Variants in FBXL8 observed in about 807,000 individuals in gnomAD.
FBXL8 encodes the protein F-box/LRR-repeat protein 8.
In FBXL8, 13 loss-of-function variants were observed where a neutral mutation model predicts 8.2. The ratio of observed to expected loss-of-function variants is 1.58; its 90% CI spans 1.03 to 2.51. The LOEUF is 2.51. FBXL8 is among the 30% of genes most tolerant of loss of function. The pLI, the probability that FBXL8 is intolerant of heterozygous loss-of-function variation, is 0.00. For missense variants in FBXL8, 565 were observed against 540.4 expected, an observed-to-expected ratio of 1.05 and a Z score of -0.45; for synonymous variants, 271 against 260.5, an observed-to-expected ratio of 1.04 and a Z score of -0.39.
chr16:67,162,284 G>T, intron 2 of FBXL8: 1 of 416,862 alleles, frequency 2.4e-6, no homozygotes, highest in Non-Finnish European at 4.4e-6. Flanking sequence ...AGCCGAGATG[G>T]CACCACTGCA....
intron 2 of FBXL8, chr16:67,162,518 C>G: frequency 4.3e-6 from 3 of 693,198 alleles, no homozygotes; most frequent in Non-Finnish European, 7.9e-6. Flanking sequence ...ACGGGTCACT[C>G]AGCTAGGGAA....
intron 2 of FBXL8, chr16:67,162,450 TATC>T (rs1365176091): frequency 6.5e-6 from 4 of 617,824 alleles, no homozygotes; most frequent in African/African-American, 5.5e-5. Flanking sequence ...AGATAGGTAT[TATC>T]ATTACCTCCA....
intron 1 of FBXL8, chr16:67,161,073 C>T (rs546045386): frequency 6.5e-6 from 1 of 154,134 alleles, no homozygotes; most frequent in African/African-American, 2.4e-5. Flanking sequence ...TGGTCCCTGA[C>T]AAAGAAAAGC....
chr16:67,160,615 G>A (rs1305662964), intron 1 of FBXL8, among the ~76,000 whole-genome samples: 1 of 152,210 alleles, frequency 6.6e-6, no homozygotes, highest in Non-Finnish European at 1.5e-5. Flanking sequence ...GGAGGCTGAG[G>A]CAGAAGAATC....
chr16:67,163,329 G>A lies in FBXL8; in HGVS notation c.634G>A (p.Ala212Thr), dbSNP rs761223765. The A allele has an allele frequency of 2.5e-5, 40 of 1,570,476 alleles. 1 individual carries two copies. In the South Asian group the frequency reaches 4.2e-4, roughly 17 times the overall value. ...SLSHAILEAL[A>T]APDRAPFALL... ...GTCGCACGCCATCCTCGAAGCACTGGCGGCGCCAGACCGAGCGCCTTTCGC... is the reference window on the plus strand; with the variant it reads ...GTCGCACGCCATCCTCGAAGCACTGACGGCGCCAGACCGAGCGCCTTTCGC... The change falls in exon 3 of 3, where the codon GCG becomes ACG. Residue 212 changes from alanine to threonine, a missense_variant. Transcript: ENST00000258200.
Position 67,163,051 on chromosome 16 carries a change from C to A in FBXL8, c.356C>A (p.Ala119Glu). The A allele has an allele frequency of 6.4e-7, 1 of 1,569,752 alleles. No homozygotes were observed. The highest frequency in any genetic ancestry group is 1.7e-4 in the Middle Eastern group (1 of 5,974). ...ECRGEKPLFD[A>E]GRDVLEAVHA... Reference sequence around the variant, plus strand: ...CGCGGAGAAAAACCGCTCTTCGACGCGGGCCGCGACGTCCTGGAGGCTGTG... The same window carrying A: ...CGCGGAGAAAAACCGCTCTTCGACGAGGGCCGCGACGTCCTGGAGGCTGTG... The change falls in exon 3 of 3, where the codon GCG becomes GAG. Residue 119 changes from alanine (A) to glutamate (E), a missense_variant. Ala to Glu is a moderately radical substitution (Grantham distance 107). Transcript: ENST00000258200.
chr16:67,163,308 C>T lies in FBXL8; in HGVS notation c.613C>T (p.His205Tyr). The T allele has an allele frequency of 6.3e-7, 1 of 1,576,012 alleles. No homozygotes were observed. Among genetic ancestry groups the T allele is most frequent in the Non-Finnish European group, 8.6e-7 (1 of 1,163,634 alleles). Residue 205 changes from histidine to tyrosine, a missense_variant, in exon 3 of 3, where the codon CAC (histidine) becomes TAC (tyrosine). His to Tyr is a moderately conservative substitution (Grantham distance 83). Transcript: ENST00000258200. ...CGGCCTGCACCTAGCCAGTTTGTCG[C>T]ACGCCATCCTCGAAGCACTGGCGGC... Reference protein sequence around the residue: ...ALGLHLASLSHAILEALAAPD... With the variant: ...ALGLHLASLSYAILEALAAPD...
At position 67,162,891 on chromosome 16, in the gene FBXL8, G is replaced by A. The variant is rs778103337; in HGVS notation, c.196G>A (p.Ala66Thr). 4.5e-6 allele frequency: 7 copies of A among 1,550,946 alleles called. No individual in the cohort carries two copies. The highest frequency in any genetic ancestry group is 2.0e-5 in the Admixed American group (1 of 51,032). Residue 66 changes from alanine (A) to threonine (T), a missense_variant, in exon 3 of 3, where the codon GCC becomes ACC. Coordinates refer to ENST00000258200, the MANE Select transcript of FBXL8 (RefSeq NM_018378.3). ...LEGMLPPYLS[A>T]CLDHIHNLRL... ...AGGCATGCTGCCACCTTATCTGTCC[G>A]CCTGCCTCGACCACATTCACAACCT... is the stretch of plus-strand genomic sequence containing the variant.
rs1190136361 is a variant in FBXL8 at position 67,163,880 on chromosome 16, G to GA, written c.*60_*61insA. ...AAGCGCTCTGAGAGGGAACGGGGGGGGTGTCCAGGCGCGCCCCGAGTGCTA... is the reference window on the plus strand; with the variant it reads ...AAGCGCTCTGAGAGGGAACGGGGGGGAGTGTCCAGGCGCGCCCCGAGTGCTA... On this transcript the variant is annotated 3_prime_UTR_variant, in exon 3 of 3. Coordinates refer to ENST00000258200, the MANE Select transcript of FBXL8 (RefSeq NM_018378.3). 3.3e-6 allele frequency: 5 copies of GA among 1,526,682 alleles called. No individual in the cohort carries two copies. The highest frequency in any genetic ancestry group is 2.6e-6 in the Non-Finnish European group (3 of 1,145,024). 94.6% of individuals were successfully genotyped at this position (1,526,682 alleles called of 1,614,324 possible). A position where few individuals can be genotyped will look rare whatever the true frequency, so the allele number is the denominator to read the frequency against.
intron 2 of FBXL8, chr16:67,162,264 G>T (rs1015803754): frequency 4.9e-6 from 2 of 404,414 alleles, no homozygotes; most frequent in Non-Finnish European, 9.0e-6. Context: ...GGGAGGCAAA[G>T]GTTGCAGTGA....
In FBXL8 at chr16:67,164,134, G is replaced by A. The variant is rs768583061; in HGVS notation, c.*314G>A. On this transcript the variant is annotated 3_prime_UTR_variant, in exon 3 of 3. Transcript: ENST00000258200. The stretch of plus-strand genomic sequence containing the variant: ...GAGAGGGAGGGCACGGGCGCGGGCC[G>A]GGCCTCAAGGGTGAGTGTGAAATAA... The A allele has an allele frequency of 1.4e-5, 9 of 650,134 alleles. No homozygotes were observed. The highest frequency in any genetic ancestry group is 1.2e-4 in the South Asian group (8 of 65,296). 40.3% of individuals were successfully genotyped at this position (650,134 alleles called of 1,614,324 possible).
chr16:67,163,927 G>GC lies in FBXL8; in HGVS notation c.*113dup. 6.8e-6 allele frequency: 10 copies of GC among 1,478,416 alleles called. No homozygotes were observed. Among genetic ancestry groups the GC allele is most frequent in the Admixed American group, 6.2e-5 (3 of 48,482 alleles). 91.6% of individuals were successfully genotyped at this position (1,478,416 alleles called of 1,614,324 possible). On this transcript the variant is annotated 3_prime_UTR_variant, in exon 3 of 3. Coordinates refer to ENST00000258200, the MANE Select transcript of FBXL8 (RefSeq NM_018378.3). ...GCTAGTGCCTTCTTTTGGGATTGTT[G>GC]CCCCCCGGGTCTTTACCGAGTTGGG... is the stretch of plus-strand genomic sequence containing the variant.
chr16:67,162,496 T>G, intron 2 of FBXL8: 1 of 672,274 alleles, frequency 1.5e-6, no homozygotes, highest in Non-Finnish European at 2.7e-6. Context: ...CAAAGAGACT[T>G]AATCACTTCC....
intron 1 of FBXL8, 87 bp downstream of exon 1, chr16:67,160,143 C>G (rs1285201871): frequency 1.3e-5 from 2 of 152,226 alleles, no homozygotes; most frequent in African/African-American, 4.8e-5. Flanking sequence ...CTCGTAAGAG[C>G]TACAGCTGCC....
Position 67,163,445 on chromosome 16 carries a change from T to G in FBXL8, c.750T>G (p.Pro250=). Residue 250 remains proline, a synonymous_variant, in exon 3 of 3, where the codon CCT becomes CCG. Coordinates refer to ENST00000258200, the MANE Select transcript of FBXL8 (RefSeq NM_018378.3). ...EAWVALRRRH[P]GLAVELELEP... ...GGGTCGCGTTGCGCCGCCGCCACCC[T>G]GGGCTGGCAGTGGAGCTGGAGCTGG... 1 of 1,536,184 alleles carries G rather than the reference T, an allele frequency of 6.5e-7. No homozygotes were observed. The highest frequency in any genetic ancestry group is 8.7e-7 in the Non-Finnish European group (1 of 1,147,020).
chr16:67,164,034 G>A lies in FBXL8; in HGVS notation c.*214G>A, dbSNP rs1014323146. The A allele has an allele frequency of 1.4e-5, 10 of 734,196 alleles. No individual in the cohort carries two copies. Among genetic ancestry groups the A allele is most frequent in the Non-Finnish European group, 2.2e-5 (9 of 416,056 alleles). The allele number at this position is 734,196 out of a possible 1,614,324, so 45.5% of individuals were successfully genotyped here. On this transcript the variant is annotated 3_prime_UTR_variant, in exon 3 of 3. Transcript: ENST00000258200. Reference sequence around the variant, plus strand: ...CCCTCTGCAGACGCCCCACCCGCTCGGTCCTGGACACACTGCCCCCCTCTC... The same window carrying A: ...CCCTCTGCAGACGCCCCACCCGCTCAGTCCTGGACACACTGCCCCCCTCTC...
chr16:67,163,105 T>C lies in FBXL8; in HGVS notation c.410T>C (p.Leu137Pro), dbSNP rs773059311. 1 of 1,581,940 alleles carries C rather than the reference T, an allele frequency of 6.3e-7. No individual in the cohort carries two copies. The highest frequency in any genetic ancestry group is 8.6e-7 in the Non-Finnish European group (1 of 1,164,716). ...VHAVCGAASQLRHLDLRRLSF... is the reference protein window; with the variant it reads ...VHAVCGAASQPRHLDLRRLSF... The stretch of plus-strand genomic sequence containing the variant: ...GCTGTATGCGGGGCGGCCAGCCAGC[T>C]ACGCCACCTCGACCTGCGGCGCTTG... Residue 137 changes from leucine (L) to proline (P), a missense_variant, in exon 3 of 3, where the codon CTA (leucine) becomes CCA (proline). Physicochemically the swap from Leu to Pro is moderately conservative, Grantham distance 98 (BLOSUM62 -3). Coordinates refer to ENST00000258200, the MANE Select transcript of FBXL8 (RefSeq NM_018378.3).
chr16:67,162,251 C>T (rs545065715), intron 2 of FBXL8: 3 of 393,178 alleles, frequency 7.6e-6, no homozygotes, highest in Non-Finnish European at 1.4e-5. Context: ...ATCGCTTGAA[C>T]CCGGGAGGCA....
At chr16:67,162,492 GACTT>G (rs2145913217) in intron 2 of FBXL8, 1 of 669,678 alleles carries the variant, frequency 1.5e-6, no homozygotes, top group Non-Finnish European at 2.7e-6. Flanking sequence ...GAGGCAAAGA[GACTT>G]AATCACTTCC....
Sources: allele counts gnomAD v4.1 joint callset (sites outside exome capture counted in the v4.1 genomes callset), GRCh38; gene constraint gnomAD v4.1.1; transcripts MANE v1.5; gene names NCBI Gene and HGNC (gene_info 2026-07-23, HGNC 2026-07-21).